The following ATXN7L1 variants were observed in gnomAD, a reference collection of about 807,000 sequenced individuals.
ATXN7L1 encodes ataxin 7 like 1, also known as ataxin-7-like protein 1.
A neutral mutation model predicts 70.8 loss-of-function variants in ATXN7L1; 15 were observed. That is an observed-to-expected ratio of 0.21 (90% confidence interval 0.14 to 0.33). The LOEUF (loss-of-function observed/expected upper bound fraction) is 0.33, where lower values mean the gene tolerates loss of function less well. ATXN7L1 is among the 10% of genes least tolerant of loss of function. The pLI, the probability that ATXN7L1 is intolerant of heterozygous loss-of-function variation, is 1.00. For synonymous variants in ATXN7L1, 440 were observed against 445.1 expected (o/e 0.99, Z 0.14); for missense variants, 975 against 1,097.1 (o/e 0.89, Z 1.57).
intron 5 of ATXN7L1, among the ~76,000 whole-genome samples, chr7:105,642,064 GT>G (rs987721441): frequency 6.6e-6 from 1 of 152,192 alleles, no homozygotes; most frequent in African/African-American, 2.4e-5. Context: ...AAGTTATGAA[GT>G]TTATAGCTTC....
chr7:105,771,356 A>T (rs1801983822), intron 3 of ATXN7L1, among the ~76,000 whole-genome samples: 1 of 152,084 alleles, frequency 6.6e-6, no homozygotes, highest in Non-Finnish European at 1.5e-5. Flanking sequence ...AGCAGGGAGG[A>T]GGAGCCCCCT....
At chr7:105,706,562 C>T (rs957399201) in intron 3 of ATXN7L1, among the ~76,000 whole-genome samples, 3 of 151,958 alleles carry the variant, frequency 2.0e-5, no homozygotes, top group Non-Finnish European at 4.4e-5. Flanking sequence ...ACCACCACCA[C>T]CAAAAAAAAC....
intron 3 of ATXN7L1, among the ~76,000 whole-genome samples, chr7:105,733,491 C>T (rs67617358): frequency 0.026 from 3,673 of 141,082 alleles, 172 homozygotes; most frequent in Admixed American, 0.028. Flanking sequence ...TCCATCCATC[C>T]ACCCATCCAT....
intron 7 of ATXN7L1, among the ~76,000 whole-genome samples, chr7:105,634,031 T>C (rs1052098540): frequency 2.3e-4 from 35 of 152,300 alleles, no homozygotes; most frequent in Middle Eastern, 3.4e-3. Flanking sequence ...TAGTGGTGGA[T>C]GCTTTCAGGA....
intron 2 of ATXN7L1, among the ~76,000 whole-genome samples, chr7:105,845,915 C>A (rs900803538): frequency 1.3e-5 from 2 of 152,140 alleles, no homozygotes; most frequent in Admixed American, 1.3e-4. Context: ...CACCATAGAT[C>A]TAATGTAGGA....
rs927635996 is a variant in ATXN7L1, at chr7:105,856,177, T to C, written c.250+19635A>G. On this transcript the variant is annotated intron_variant, in intron 2 of 11. Transcript: ENST00000419735. ...AAATGAAAATATCAACCAATACTTA[T>C]GTGGGGTTTACACCTGTTTGTCAAT... 2.6e-5 allele frequency among the ~76,000 whole-genome samples: 4 copies of C among 152,348 alleles called. No individual in the cohort carries two copies. The East Asian group carries it at 5.8e-4, about 22-fold the overall frequency.
intron 2 of ATXN7L1, chr7:105,875,154 G>A (rs1321266174): frequency 6.5e-6 from 1 of 152,740 alleles, no homozygotes; most frequent in Non-Finnish European, 1.5e-5. Context: ...AATTGCAGCA[G>A]GTTGTGGCTT....
chr7:105,794,543 G>C (rs889829660), intron 2 of ATXN7L1, among the ~76,000 whole-genome samples: 4 of 152,270 alleles, frequency 2.6e-5, no homozygotes, highest in Non-Finnish European at 5.9e-5. Flanking sequence ...CTGCTTCCTG[G>C]CTCGATTTCT....
chr7:105,868,404 A>G (rs765566246), intron 2 of ATXN7L1, among the ~76,000 whole-genome samples: 3 of 152,184 alleles, frequency 2.0e-5, no homozygotes, highest in Admixed American at 1.3e-4. Context: ...GGTCAAACAC[A>G]TAAGGGAGGC....
intron 3 of ATXN7L1, among the ~76,000 whole-genome samples, chr7:105,692,428 C>CCCTCCTTCCTTCCTTCCTT (rs1791106767): frequency 7.4e-5 from 4 of 53,790 alleles, no homozygotes; most frequent in South Asian, 1.5e-3. Flanking sequence ...CTTCCTTCCT[C>CCCTCCTTCCTTCCTTCCTT]CCTCCCTCCC....
intron 2 of ATXN7L1, among the ~76,000 whole-genome samples, chr7:105,818,346 T>C (rs1024605360): frequency 3.3e-5 from 5 of 152,166 alleles, no homozygotes; most frequent in Non-Finnish European, 5.9e-5. Flanking sequence ...AATTTTTGTA[T>C]TTTTTGTAGG....
chr7:105,818,743 C>A (rs1563118514), intron 2 of ATXN7L1, among the ~76,000 whole-genome samples: 1 of 152,134 alleles, frequency 6.6e-6, no homozygotes, highest in Non-Finnish European at 1.5e-5. Context: ...GATAAAGCTG[C>A]ATAAAAATGC....
intron 9 of ATXN7L1, chr7:105,617,846 T>G (rs1316472416): frequency 4.6e-6 from 2 of 437,960 alleles, no homozygotes; most frequent in Non-Finnish European, 9.2e-6. Context: ...TAAATGCTTG[T>G]TAAAGAAAAA....
At chr7:105,615,650 G>A (rs1294585922) in intron 9 of ATXN7L1, among the ~76,000 whole-genome samples, 1 of 152,216 alleles carries the variant, frequency 6.6e-6, no homozygotes, top group Non-Finnish European at 1.5e-5. Flanking sequence ...TTCTTGTCCC[G>A]TGTTAGGAAA....
chr7:105,774,414 C>T (rs189831149), intron 3 of ATXN7L1, among the ~76,000 whole-genome samples: 8 of 149,564 alleles, frequency 5.3e-5, no homozygotes, highest in East Asian at 2.0e-4. Context: ...TGCAGTGGCA[C>T]GATCTTGGCT....
intron 3 of ATXN7L1, among the ~76,000 whole-genome samples, chr7:105,768,379 T>C (rs1013513509): frequency 6.6e-6 from 1 of 152,190 alleles, no homozygotes; most frequent in African/African-American, 2.4e-5. Flanking sequence ...TACAATTCTC[T>C]CTCCAGATCG....
intron 4 of ATXN7L1, among the ~76,000 whole-genome samples, chr7:105,657,943 T>A (rs919290313): frequency 1.1e-4 from 16 of 152,166 alleles, no homozygotes; most frequent in Non-Finnish European, 1.8e-4. Context: ...GAAAATTTAG[T>A]GTCCAAATTG....
At chr7:105,774,030 T>C (rs992648699) in intron 3 of ATXN7L1, among the ~76,000 whole-genome samples, 1 of 152,058 alleles carries the variant, frequency 6.6e-6, no homozygotes, top group Non-Finnish European at 1.5e-5. Flanking sequence ...GCCACCCCAC[T>C]TGTCTCCCAG....
intron 2 of ATXN7L1, among the ~76,000 whole-genome samples, chr7:105,802,813 TC>T (rs1245459539): frequency 3.3e-5 from 5 of 152,012 alleles, no homozygotes; most frequent in Admixed American, 2.0e-4. Context: ...CGTGGGGCTT[TC>T]CCCTCCCTGG....
Sources: gnomAD v4.1 joint callset for allele counts (sites outside exome capture counted in the v4.1 genomes callset) on GRCh38, gnomAD v4.1.1 for gene constraint, MANE v1.5 for transcripts, NCBI Gene and HGNC (gene_info 2026-07-23, HGNC 2026-07-21) for gene names.